Variants in SNX29 observed in about 807,000 individuals in gnomAD.
The protein encoded by SNX29 is sorting nexin 29.
SNX29 carries 78 observed loss-of-function variants against 102.1 expected under a neutral mutation model. The observed-to-expected ratio is 0.76, with a 90% CI of 0.64 to 0.92. The LOEUF is 0.92. Among genes scored for constraint, SNX29 ranks in the 40% least tolerant of loss-of-function variants. The pLI, the probability that SNX29 is intolerant of heterozygous loss-of-function variation, is 0.00. For synonymous variants in SNX29, 580 were observed against 414.5 expected (o/e 1.40, Z -4.85); for missense variants, 1,280 against 1,061.7 (o/e 1.21, Z -2.86).
chr16:12,350,714 G>T (rs1231258727), intron 15 of SNX29, among the ~76,000 whole-genome samples: 1 of 152,222 alleles, frequency 6.6e-6, no homozygotes, highest in Non-Finnish European at 1.5e-5. Flanking sequence ...TCAAAGCTGA[G>T]TCTGTGAAAT....
At chr16:12,516,158 AAACGGGGTTGGTGAGCCAGTCTCATCAG>A (rs1482377374) in intron 19 of SNX29, among the ~76,000 whole-genome samples, 3 of 152,124 alleles carry the variant, frequency 2.0e-5, no homozygotes, top group Non-Finnish European at 2.9e-5. Flanking sequence ...CAGAAAGAAG[AAACGGGGTTGGTGAGCCAGTCTCATCAG>A]AATGGGTACG....
intron 18 of SNX29, among the ~76,000 whole-genome samples, chr16:12,444,666 C>T (rs977724795): frequency 6.6e-6 from 1 of 152,052 alleles, no homozygotes; most frequent in Non-Finnish European, 1.5e-5. Context: ...CGTTTTTCTC[C>T]ATGGCCTCCA....
chr16:12,225,907 C>G (rs926563664), intron 14 of SNX29, among the ~76,000 whole-genome samples: 4 of 152,156 alleles, frequency 2.6e-5, no homozygotes, highest in African/African-American at 9.7e-5. Flanking sequence ...GGCTCTCCTG[C>G]CTTTTAACTA....
intron 16 of SNX29, among the ~76,000 whole-genome samples, chr16:12,368,622 G>C (rs1394818671): frequency 6.6e-6 from 1 of 152,238 alleles, no homozygotes; most frequent in Non-Finnish European, 1.5e-5. Flanking sequence ...CATGGAGACA[G>C]AGGTCCTGCT....
intron 20 of SNX29, among the ~76,000 whole-genome samples, chr16:12,535,551 G>T (rs76836574): frequency 6.6e-6 from 1 of 152,160 alleles, no homozygotes; most frequent in Non-Finnish European, 1.5e-5. Flanking sequence ...CAGCTGGGAC[G>T]TGGCAGCATG....
chr16:12,571,482 A>G lies in SNX29; in HGVS notation c.*2853A>G, dbSNP rs1262607969. The G allele has an allele frequency of 1.4e-5, 4 of 290,374 alleles. No individual in the cohort carries two copies. Among genetic ancestry groups the G allele is most frequent in the Non-Finnish European group, 1.8e-5 (3 of 171,008 alleles). The allele number at this position is 290,374 out of a possible 1,614,324, so 18.0% of individuals were successfully genotyped here. A position where few individuals can be genotyped will look rare whatever the true frequency, so the allele number is the denominator to read the frequency against. On this transcript the variant is annotated 3_prime_UTR_variant, in exon 21 of 21. Transcript: ENST00000566228. Reference sequence around the variant, plus strand: ...AACAGAAGCCCCCTCCCCTACTCAGAGAGGAACGAGGGTGGCCCACCTCTC... The same window carrying G: ...AACAGAAGCCCCCTCCCCTACTCAGGGAGGAACGAGGGTGGCCCACCTCTC...
At chr16:12,108,773 A>G (rs2053375275) in intron 11 of SNX29, among the ~76,000 whole-genome samples, 1 of 152,108 alleles carries the variant, frequency 6.6e-6, no homozygotes, top group African/African-American at 2.4e-5. Context: ...CATACACACG[A>G]AGCTGTCCCT....
chr16:12,251,632 G>A (rs1295532248), intron 14 of SNX29, among the ~76,000 whole-genome samples: 5 of 152,202 alleles, frequency 3.3e-5, no homozygotes, highest in South Asian at 2.1e-4. Flanking sequence ...GAACCTGGGA[G>A]GCGGAGGTTG....
chr16:11,995,530 A>C (rs748753841), intron 1 of SNX29, among the ~76,000 whole-genome samples: 3 of 151,988 alleles, frequency 2.0e-5, no homozygotes, highest in Non-Finnish European at 2.9e-5. Context: ...TTTTGTATAA[A>C]GAACAGGTTT....
At chr16:12,193,470 C>CAAAAAAA (rs369951476) in intron 13 of SNX29, among the ~76,000 whole-genome samples, 2 of 137,398 alleles carry the variant, frequency 1.5e-5, no homozygotes, top group East Asian at 2.1e-4. Context: ...ACTCCATCTT[C>CAAAAAAA]AAAAAAAAAA....
At chr16:12,196,622 C>CTTTTTTTTTTTTTTTTTTTCT (rs34779383) in intron 13 of SNX29, among the ~76,000 whole-genome samples, 2 of 129,666 alleles carry the variant, frequency 1.5e-5, no homozygotes, top group Non-Finnish European at 3.2e-5. Context: ...TTTCTTTTTT[C>CTTTTTTTTTTTTTTTTTTTCT]TTTTTTTTTT....
intron 19 of SNX29, among the ~76,000 whole-genome samples, chr16:12,485,602 G>T (rs550676214): frequency 6.6e-6 from 1 of 152,156 alleles, no homozygotes; most frequent in Non-Finnish European, 1.5e-5. Flanking sequence ...CCCTCGAGAC[G>T]GCAGGGTCAG....
chr16:12,188,448 G>C (rs1567292565), intron 13 of SNX29, among the ~76,000 whole-genome samples: 1 of 152,206 alleles, frequency 6.6e-6, no homozygotes, highest in Non-Finnish European at 1.5e-5. Context: ...CAGAGGAGTA[G>C]CTTATGTAAG....
intron 11 of SNX29, among the ~76,000 whole-genome samples, chr16:12,123,566 T>C (rs2054073980): frequency 6.6e-6 from 1 of 152,062 alleles, no homozygotes; most frequent in Non-Finnish European, 1.5e-5. Context: ...GGGAATAATA[T>C]TCAGCCGTAA....
chr16:12,517,223 C>T (rs1208539071), intron 19 of SNX29, among the ~76,000 whole-genome samples: 2 of 152,202 alleles, frequency 1.3e-5, no homozygotes, highest in African/African-American at 4.8e-5. Flanking sequence ...GCCTCCAGTC[C>T]TGTGGCTTCT....
At chr16:12,028,681 T>A (rs553680471) in intron 4 of SNX29, among the ~76,000 whole-genome samples, 61 of 152,166 alleles carry the variant, frequency 4.0e-4, no homozygotes, top group African/African-American at 9.2e-4. Flanking sequence ...TTCTTTTTTT[T>A]AAAAAAATTA....
At position 12,027,317 on chromosome 16, in the gene SNX29, C is replaced by A. The variant is rs1348014458; in HGVS notation, c.123-3C>A. On this transcript the variant is annotated splice_region_variant and splice_polypyrimidine_tract_variant and intron_variant, in intron 3 of 20. Coordinates refer to ENST00000566228, the MANE Select transcript of SNX29 (RefSeq NM_032167.5). ...GACTGATGAGTCATTGGTTTTCTCA[C>A]AGGGTCACCTGTCTGTGTGCCCAGT... is the stretch of plus-strand genomic sequence containing the variant. 1 of 1,613,500 alleles carries A rather than the reference C, an allele frequency of 6.2e-7. No individual in the cohort carries two copies. The highest frequency in any genetic ancestry group is 8.5e-7 in the Non-Finnish European group (1 of 1,179,690).
chr16:12,399,868 G>T (rs1258333611), intron 17 of SNX29, among the ~76,000 whole-genome samples: 2 of 152,198 alleles, frequency 1.3e-5, no homozygotes, highest in Non-Finnish European at 2.9e-5. Flanking sequence ...CTCCTGGAAC[G>T]GCAGAGTCCG....
intron 15 of SNX29, among the ~76,000 whole-genome samples, chr16:12,328,242 A>C (rs978854272): frequency 6.6e-6 from 1 of 152,048 alleles, no homozygotes; most frequent in East Asian, 1.9e-4. Flanking sequence ...TTTTACTACT[A>C]CTGTTTGTAT....
Sources: gnomAD v4.1 joint callset for allele counts (sites outside exome capture counted in the v4.1 genomes callset) on GRCh38, gnomAD v4.1.1 for gene constraint, MANE v1.5 for transcripts, NCBI Gene and HGNC (gene_info 2026-07-23, HGNC 2026-07-21) for gene names.